IKZF3: variants seen among roughly 807,000 people sequenced by gnomAD.
The protein encoded by IKZF3 is zinc finger protein Aiolos.
Under a neutral mutation model 49.0 loss-of-function variants are expected in IKZF3, and 10 were observed. That is an observed-to-expected ratio of 0.20 (90% CI 0.13 to 0.35). The LOEUF is 0.35. Among genes scored for constraint, IKZF3 ranks in the 10% least tolerant of loss-of-function variants. IKZF3 has a pLI of 1.00. For missense variants in IKZF3, 498 were observed against 664.8 expected (o/e 0.75, Z 2.76); for synonymous variants, 209 against 228.2 (o/e 0.92, Z 0.76).
At chr17:39,852,185 A>T (rs913351816) in intron 1 of IKZF3, among the ~76,000 whole-genome samples, 3 of 152,212 alleles carry the variant, frequency 2.0e-5, no homozygotes, top group African/African-American at 7.2e-5. Context: ...TTTGAAAAAC[A>T]AAACAAACAC....
At chr17:39,824,361 T>G (rs921789170) in intron 3 of IKZF3, among the ~76,000 whole-genome samples, 1 of 152,184 alleles carries the variant, frequency 6.6e-6, no homozygotes, top group Non-Finnish European at 1.5e-5. Context: ...TTTACAGACT[T>G]ATAGGCAGAA....
intron 3 of IKZF3, among the ~76,000 whole-genome samples, chr17:39,797,111 G>C (rs965985880): frequency 1.7e-4 from 25 of 151,506 alleles, no homozygotes; most frequent in African/African-American, 6.0e-4. Flanking sequence ...GTTGCAGTGA[G>C]CTGAGATCCC....
chr17:39,856,014 G>GTATATTGTATATGTACAATATAACATGT (rs2063036685), intron 1 of IKZF3, among the ~76,000 whole-genome samples: 3 of 147,576 alleles, frequency 2.0e-5, no homozygotes, highest in Admixed American at 2.0e-4. Flanking sequence ...AATATAACAT[G>GTATATTGTATATGTACAATATAACATGT]TATATTGTAT....
At chr17:39,839,539 G>C in intron 1 of IKZF3, 1 of 543,400 alleles carries the variant, frequency 1.8e-6, no homozygotes, top group South Asian at 1.5e-5. Context: ...AGAAGTGGAG[G>C]CAAGCACACA....
chr17:39,796,848 A>G (rs1244618968), intron 3 of IKZF3, among the ~76,000 whole-genome samples: 1 of 148,120 alleles, frequency 6.8e-6, no homozygotes, highest in African/African-American at 2.5e-5. Flanking sequence ...GCTCGGCCTC[A>G]ACATTCCTTT....
intron 1 of IKZF3, among the ~76,000 whole-genome samples, chr17:39,850,825 A>C (rs1288128946): frequency 1.6e-5 from 2 of 125,394 alleles, no homozygotes; most frequent in African/African-American, 3.2e-5. Context: ...CATATATAAT[A>C]TGCTATATAG....
intron 2 of IKZF3, among the ~76,000 whole-genome samples, chr17:39,831,179 C>T (rs1050301916): frequency 4.6e-5 from 7 of 151,964 alleles, no homozygotes; most frequent in African/African-American, 1.5e-4. Flanking sequence ...GTTGGGAGTT[C>T]GAGACCAGCC....
At chr17:39,772,234 G>A in intron 7 of IKZF3, among the ~76,000 whole-genome samples, 1 of 152,194 alleles carries the variant, frequency 6.6e-6, no homozygotes, top group Non-Finnish European at 1.5e-5. Context: ...GAATGGTTTA[G>A]ATTTGATTCC....
intron 6 of IKZF3, among the ~76,000 whole-genome samples, chr17:39,786,252 T>C (rs542649089): frequency 6.6e-6 from 1 of 152,300 alleles, no homozygotes; most frequent in African/African-American, 2.4e-5. Flanking sequence ...ATATGACTAA[T>C]CACAAAAACA....
chr17:39,822,508 C>T (rs577397660), intron 3 of IKZF3, among the ~76,000 whole-genome samples: 254 of 152,178 alleles, frequency 1.7e-3, no homozygotes, highest in Non-Finnish European at 2.6e-3. Context: ...TGAGGCCTCC[C>T]CAGCCATGCA....
Position 39,765,866 on chromosome 17 carries a change from C to T in IKZF3, c.1454G>A (p.Cys485Tyr). 6.2e-7 allele frequency: 1 copy of T among 1,614,238 alleles called. No individual in the cohort carries two copies. The highest frequency in any genetic ancestry group is 8.5e-7 in the Non-Finnish European group (1 of 1,180,040). The change falls in exon 8 of 8, where the codon TGT becomes TAT. Residue 485 changes from cysteine (C) to tyrosine (Y), a missense_variant. Transcript: ENST00000346872. ...ATACCGATCATGGCTTCGATATCCA[C>T]ACATGTTACACTCGAAAGGGTCACG... ...GFRDPFECNM[C>Y]GYRSHDRYEF...
chr17:39,778,154 T>C (rs559192807), intron 6 of IKZF3: 2 of 989,646 alleles, frequency 2.0e-6, no homozygotes, highest in South Asian at 9.3e-5. Flanking sequence ...GATATAATTC[T>C]TAACAACTTT....
At chr17:39,847,865 T>C (rs2062679576) in intron 1 of IKZF3, among the ~76,000 whole-genome samples, 2 of 152,230 alleles carry the variant, frequency 1.3e-5, no homozygotes, top group African/African-American at 4.8e-5. Flanking sequence ...GATTTGTCTC[T>C]TGAGTTTTAC....
chr17:39,837,780 A>G (rs2144365028), intron 1 of IKZF3, among the ~76,000 whole-genome samples: 1 of 151,724 alleles, frequency 6.6e-6, no homozygotes, highest in African/African-American at 2.4e-5. Context: ...CTGGGACTAC[A>G]GGCGCCCACC....
chr17:39,785,546 T>G (rs2060853446), intron 6 of IKZF3, among the ~76,000 whole-genome samples: 1 of 152,138 alleles, frequency 6.6e-6, no homozygotes, highest in African/African-American at 2.4e-5. Context: ...TATTTGAAAT[T>G]CCTAAAAAAG....
intron 3 of IKZF3, among the ~76,000 whole-genome samples, chr17:39,807,445 G>A (rs2061454267): frequency 6.7e-6 from 1 of 148,536 alleles, no homozygotes; most frequent in African/African-American, 2.5e-5. Flanking sequence ...CACCCAGGCT[G>A]GAGTGCAGCG....
intron 3 of IKZF3, among the ~76,000 whole-genome samples, chr17:39,806,719 C>T (rs2061438421): frequency 6.6e-6 from 1 of 152,182 alleles, no homozygotes; most frequent in South Asian, 2.1e-4. Flanking sequence ...CTAGCATTCA[C>T]ACCCTTGTGT....
At chr17:39,852,035 T>C (rs980964136) in intron 1 of IKZF3, among the ~76,000 whole-genome samples, 3 of 152,194 alleles carry the variant, frequency 2.0e-5, no homozygotes, top group African/African-American at 7.2e-5. Flanking sequence ...TTACATGTCA[T>C]GCATAAACTA....
intron 4 of IKZF3, among the ~76,000 whole-genome samples, chr17:39,792,288 C>T (rs960652850): frequency 6.6e-6 from 1 of 152,064 alleles, no homozygotes; most frequent in Admixed American, 6.5e-5. Flanking sequence ...AAACTATGTC[C>T]TTTCATTTAC....
Sources: gnomAD v4.1 joint callset for allele counts (sites outside exome capture counted in the v4.1 genomes callset) on GRCh38, gnomAD v4.1.1 for gene constraint, MANE v1.5 for transcripts, NCBI Gene and HGNC (gene_info 2026-07-23, HGNC 2026-07-21) for gene names.